The following VPS52 variants were observed in gnomAD, a reference collection of about 807,000 sequenced individuals.
VPS52 encodes VPS52 subunit of GARP complex, also known as vacuolar protein sorting-associated protein 52 homolog.
Under a neutral mutation model 98.7 loss-of-function variants are expected in VPS52, and 56 were observed. That is an observed-to-expected ratio of 0.57 (90% CI 0.46 to 0.71). VPS52 has a LOEUF of 0.71. Ranked by LOEUF, VPS52 falls within the 30% of genes least tolerant of loss-of-function variation. The pLI, the probability that VPS52 is intolerant of heterozygous loss-of-function variation, is 0.00. For synonymous variants in VPS52, 348 were observed against 346.4 expected (o/e 1.00, Z -0.05); for missense variants, 742 against 925.9 (o/e 0.80, Z 2.58).
At chr6:33,269,578 G>C (rs201913362) in intron 4 of VPS52, 21 bp from the exon 5 acceptor site, 29 of 1,602,758 alleles carry the variant, frequency 1.8e-5, no homozygotes, top group Non-Finnish European at 2.6e-6. Context: ...AAAAGTCAAG[G>C]GGCCTCATGG....
chr6:33,251,569 C>A lies in VPS52; in HGVS notation c.1974G>T (p.Gln658His). The change falls in exon 19 of 20, where the codon CAG (glutamine) becomes CAT (histidine). Residue 658 changes from glutamine (Q) to histidine (H), a missense_variant. Around this residue, in one of 2 missense-constraint regions of VPS52, gnomAD observed 590 missense variants for 793.3 expected, o/e 0.74. Coordinates refer to ENST00000445902, the MANE Select transcript of VPS52 (RefSeq NM_022553.6). ...SWKSSVESLS[Q>H]DVMRSFTNFR... ...AGTTGGTGAAACTCCGCATTACATC[C>A]TGACTCAGAGATTCCACTGATGATT... 1 of 1,614,058 alleles carries A rather than the reference C, an allele frequency of 6.2e-7. No homozygotes were observed. The highest frequency in any genetic ancestry group is 8.5e-7 in the Non-Finnish European group (1 of 1,180,010).
At chr6:33,254,190 A>G (rs534891194) in intron 17 of VPS52, among the ~76,000 whole-genome samples, 55 of 152,116 alleles carry the variant, frequency 3.6e-4, no homozygotes, top group African/African-American at 1.3e-3. Flanking sequence ...CAGAAGAATC[A>G]CTTGAACCGG....
Position 33,271,638 on chromosome 6 carries a change from T to G in VPS52, c.38A>C (p.Glu13Ala). The G allele has an allele frequency of 6.2e-7, 1 of 1,610,532 alleles. No homozygotes were observed. The highest frequency in any genetic ancestry group is 8.5e-7 in the Non-Finnish European group (1 of 1,178,252). The stretch of plus-strand genomic sequence containing the variant: ...TGAGGTCCCAGCCCGCAACACCAGT[T>G]CCCGGGCCGCAGCCGCCATGGTCGC... ...AAATMAAAAR[E>A]LVLRAGTSDM... The change falls in exon 1 of 20, where the codon GAA (glutamate) becomes GCA (alanine). Residue 13 changes from glutamate (E) to alanine (A), a missense_variant. Coordinates refer to ENST00000445902, the MANE Select transcript of VPS52 (RefSeq NM_022553.6).
chr6:33,267,540 G>T lies in VPS52; in HGVS notation c.991+142C>A, dbSNP rs2150849349. ...GTCAAAATAATGTGTGCATCTTTCT[G>T]GGGAGGGAGGCTATAGCTTTCATCA... On this transcript the variant is annotated intron_variant, in intron 10 of 19. Transcript: ENST00000445902. The surrounding 1 kb of genome is among the most constrained non-coding windows in gnomAD (Gnocchi z 4.2). The T allele has an allele frequency of 3.3e-6, 4 of 1,212,860 alleles. No individual in the cohort carries two copies. Among genetic ancestry groups the T allele is most frequent in the Non-Finnish European group, 4.7e-6 (4 of 858,786 alleles). The allele number at this position is 1,212,860 out of a possible 1,614,324, so 75.1% of individuals were successfully genotyped here.
intron 18 of VPS52, 81 bp from the exon 19 acceptor site, chr6:33,251,717 C>A: frequency 7.1e-7 from 1 of 1,409,150 alleles, no homozygotes; most frequent in South Asian, 1.2e-5. Flanking sequence ...GTATAGCCAT[C>A]CTTATCATCA....
chr6:33,263,862 A>G lies in VPS52; in HGVS notation c.1638T>C (p.Phe546=). The G allele has an allele frequency of 6.2e-7, 1 of 1,614,208 alleles. No homozygotes were observed. The highest frequency in any genetic ancestry group is 1.3e-5 in the African/African-American group (1 of 75,046). Residue 546 remains phenylalanine, a synonymous_variant, in exon 16 of 20, where the codon TTT becomes TTC. Transcript: ENST00000445902. ...AGAACTCAGCTGCCACTCGGAGGAC[A>G]AAATTCTCCACCTCCACCTGAAAAG... ...LGQLQVEVEN[F]VLRVAAEFSS...
chr6:33,261,417 A>G (rs1763621731), intron 17 of VPS52, among the ~76,000 whole-genome samples: 2 of 151,950 alleles, frequency 1.3e-5, no homozygotes, highest in South Asian at 4.2e-4. Flanking sequence ...CAGTGAGCCA[A>G]TACTGCACCA....
rs949021864 is a variant in VPS52, at chr6:33,271,842, T to C, written c.-167A>G. The stretch of plus-strand genomic sequence containing the variant: ...TTCAGCTCTAACCACTTCACCCAAC[T>C]GCAAATGGAAATATGGAAGTCTGAA... On this transcript the variant is annotated 5_prime_UTR_variant, in exon 1 of 20. Transcript: ENST00000445902. 2 of 1,388,384 alleles carry C rather than the reference T, an allele frequency of 1.4e-6. No homozygotes were observed. The highest frequency in any genetic ancestry group is 1.9e-6 in the Non-Finnish European group (2 of 1,051,794). 86.0% of individuals were successfully genotyped at this position (1,388,384 alleles called of 1,614,324 possible).
intron 17 of VPS52, among the ~76,000 whole-genome samples, chr6:33,262,325 A>G (rs1034782972): frequency 2.0e-5 from 3 of 152,232 alleles, no homozygotes; most frequent in African/African-American, 7.2e-5. Context: ...ATGAGATCTC[A>G]TCTCACTCCA....
At position 33,251,943 on chromosome 6, in the gene VPS52, G is replaced by C. The variant is rs935327654; in HGVS notation, c.1823C>G (p.Pro608Arg). 1.9e-6 allele frequency: 3 copies of C among 1,613,190 alleles called. No individual in the cohort carries two copies. The highest frequency in any genetic ancestry group is 2.5e-6 in the Non-Finnish European group (3 of 1,180,048). ...QEFIEELLSP[P>R]FGGLVAFVKE... Reference sequence around the variant, plus strand: ...CACAAATGCCACTAAACCCCCAAAAGGGGGAGACAGCAACTCTTCAATGAA... The same window carrying C: ...CACAAATGCCACTAAACCCCCAAAACGGGGAGACAGCAACTCTTCAATGAA... Residue 608 changes from proline (P) to arginine (R), a missense_variant, in exon 18 of 20, where the codon CCT (proline) becomes CGT (arginine). This residue lies in a region of VPS52 where 590 missense variants were observed against 793.3 expected (regional missense o/e 0.74). Transcript: ENST00000445902.
chr6:33,267,648 G>A lies in VPS52; in HGVS notation c.991+34C>T. The A allele has an allele frequency of 6.2e-7, 1 of 1,612,234 alleles. No individual in the cohort carries two copies. On this transcript the variant is annotated intron_variant, in intron 10 of 19. Transcript: ENST00000445902. The surrounding 1 kb of genome is among the most constrained non-coding windows in gnomAD (Gnocchi z 4.2). ...GAGTCGAAAGTCCTCCCACTCTCAA[G>A]GCCTGGCATGAGGGTTCCCCAGTAC...
In VPS52 at chr6:33,250,806, G is replaced by A. The variant is rs1032534332; in HGVS notation, c.*35C>T. The A allele has an allele frequency of 5.0e-6, 8 of 1,601,530 alleles. No homozygotes were observed. In the African/African-American group the frequency reaches 8.0e-5, roughly 16 times the overall value. ...GGAATGGGGTGCAGAAGTCCATGGAGATGACCGGCAGATCTCAGGGCGGTT... is the reference window on the plus strand; with the variant it reads ...GGAATGGGGTGCAGAAGTCCATGGAAATGACCGGCAGATCTCAGGGCGGTT... On this transcript the variant is annotated 3_prime_UTR_variant, in exon 20 of 20. Coordinates refer to ENST00000445902, the MANE Select transcript of VPS52 (RefSeq NM_022553.6).
intron 14 of VPS52, 133 bp from the exon 15 acceptor site, chr6:33,264,236 C>G (rs1764001420): frequency 6.5e-7 from 1 of 1,542,594 alleles, no homozygotes; most frequent in African/African-American, 1.4e-5. Flanking sequence ...GTGCACCACT[C>G]ACCATGAGTT....
At chr6:33,255,020 T>C (rs1762766282) in intron 17 of VPS52, 1 of 152,186 alleles carries the variant, frequency 6.6e-6, no homozygotes, top group East Asian at 1.9e-4. Flanking sequence ...ATTTTGGATG[T>C]AGTGGTTTAA....
At chr6:33,253,261 G>A (rs906714643) in intron 17 of VPS52, among the ~76,000 whole-genome samples, 6 of 152,078 alleles carry the variant, frequency 3.9e-5, no homozygotes, top group Admixed American at 1.3e-4. Context: ...AGGCTGAGGC[G>A]GGTAGATCAC....
Position 33,271,305 on chromosome 6 carries a change from T to C in VPS52, c.90+281A>G. On this transcript the variant is annotated intron_variant, in intron 1 of 19. Transcript: ENST00000445902. ...AGTGGCAGAGATAGAACTCAGGCAG[T>C]CTGGCTTCAGAGGCCATGTTCTTAA... is the stretch of plus-strand genomic sequence containing the variant. 6.3e-6 allele frequency: 4 copies of C among 636,740 alleles called. No individual in the cohort carries two copies. In the South Asian group the frequency reaches 7.1e-5, roughly 11 times the overall value. The allele number at this position is 636,740 out of a possible 1,614,324, so 39.4% of individuals were successfully genotyped here. A position where few individuals can be genotyped will look rare whatever the true frequency, so the allele number is the denominator to read the frequency against.
Position 33,268,197 on chromosome 6 carries a change from C to G in VPS52, c.711G>C (p.Lys237Asn). The G allele has an allele frequency of 6.2e-7, 1 of 1,613,074 alleles. No individual in the cohort carries two copies. The highest frequency in any genetic ancestry group is 8.5e-7 in the Non-Finnish European group (1 of 1,180,028). Residue 237 changes from lysine to asparagine, a missense_variant, in exon 8 of 20, where the codon AAG becomes AAC. Coordinates refer to ENST00000445902, the MANE Select transcript of VPS52 (RefSeq NM_022553.6). This position sits in a 1 kb window ranked among gnomAD's most constrained non-coding sequence, Gnocchi z 4.0. ...LDRLRVKAVTKIREFILQKIY... is the reference protein window; with the variant it reads ...LDRLRVKAVTNIREFILQKIY... ...TCTTCTGGAGGATAAACTCTCGGAT[C>G]TTCGTCACTGCCTAGATGTGGGGAA...
At chr6:33,252,935 GA>G (rs548727007) in intron 17 of VPS52, among the ~76,000 whole-genome samples, 6 of 142,476 alleles carry the variant, frequency 4.2e-5, no homozygotes, top group East Asian at 4.0e-4. Flanking sequence ...TATCCCTGTA[GA>G]AAAAAAAAAA....
intron 17 of VPS52, chr6:33,254,864 TG>T (rs9280382): frequency 0.4 from 60,314 of 151,652 alleles, 12,203 homozygotes; most frequent in East Asian, 0.6. Context: ...TTTGTAGAGA[TG>T]GGGTTTCACC....
Sources: allele counts gnomAD v4.1 joint callset (sites outside exome capture counted in the v4.1 genomes callset), GRCh38; gene constraint gnomAD v4.1.1; regional missense constraint gnomAD v4.1.1; non-coding constraint Gnocchi (gnomAD v3.1); transcripts MANE v1.5; gene names NCBI Gene and HGNC (gene_info 2026-07-23, HGNC 2026-07-21).